The following DHCR24 variants were observed in gnomAD, a reference collection of about 807,000 sequenced individuals.
DHCR24 encodes the protein 24-dehydrocholesterol reductase.
In DHCR24, 28 loss-of-function variants were observed where a neutral mutation model predicts 61.2. The ratio of observed to expected loss-of-function variants is 0.46; its 90% CI spans 0.34 to 0.63. The LOEUF is 0.63. Ranked by LOEUF, DHCR24 falls within the 20% of genes least tolerant of loss-of-function variation. The probability of loss-of-function intolerance (pLI) is 0.01; values close to 1 mark genes in which losing one functional copy is unlikely to be tolerated. For missense variants in DHCR24, 538 were observed against 679.1 expected (o/e 0.79, Z 2.31); for synonymous variants, 261 against 275.9 (o/e 0.95, Z 0.54).
intron 1 of DHCR24, among the ~76,000 whole-genome samples, chr1:54,884,914 G>A (rs1647084550): frequency 6.6e-6 from 1 of 152,164 alleles, no homozygotes; most frequent in South Asian, 2.1e-4. Context: ...GAAAAGCAGG[G>A]CCAACAGATG....
chr1:54,852,067 T>C lies in DHCR24; in HGVS notation c.*166A>G, dbSNP rs1646878144. On this transcript the variant is annotated 3_prime_UTR_variant, in exon 9 of 9. Coordinates refer to ENST00000371269, the MANE Select transcript of DHCR24 (RefSeq NM_014762.4). ...AAATCCCACATTCTTTCCATTCCAC[T>C]GGGCTGCCCCCTGGAAGCCAGGAGG... The C allele has an allele frequency of 2.7e-6, 2 of 740,980 alleles. No homozygotes were observed. Among genetic ancestry groups the C allele is most frequent in the Non-Finnish European group, 4.4e-6 (2 of 455,870 alleles). The allele number at this position is 740,980 out of a possible 1,614,324, so 45.9% of individuals were successfully genotyped here. A position where few individuals can be genotyped will look rare whatever the true frequency, so the allele number is the denominator to read the frequency against.
chr1:54,855,283 A>C (rs998310310), intron 6 of DHCR24, among the ~76,000 whole-genome samples: 6 of 151,778 alleles, frequency 4.0e-5, no homozygotes, highest in Middle Eastern at 3.4e-3. Flanking sequence ...AGTCCCAGCT[A>C]CTCAGGAGGC....
chr1:54,887,103 G>C lies in DHCR24; in HGVS notation c.17C>G (p.Ser6Trp). The C allele has an allele frequency of 6.3e-7, 1 of 1,589,996 alleles. No homozygotes were observed. Among genetic ancestry groups the C allele is most frequent in the Non-Finnish European group, 8.6e-7 (1 of 1,168,880 alleles). The change falls in exon 1 of 9, where the codon TCG becomes TGG. Residue 6 changes from serine to tryptophan, a missense_variant. Transcript: ENST00000371269. MEPAV[S>W]LAVCALLFLL... ...GAAGAGCAGCGCGCACACGGCCAGC[G>C]ACACGGCGGGCTCCATGGTGCGGCG...
intron 2 of DHCR24, among the ~76,000 whole-genome samples, chr1:54,882,128 TAAAAG>T (rs377012630): frequency 0.037 from 1,061 of 29,044 alleles, 4 homozygotes; most frequent in Non-Finnish European, 0.046. Flanking sequence ...TTTAAAAGTT[TAAAAG>T]AAAAAAAAAA....
intron 6 of DHCR24, among the ~76,000 whole-genome samples, chr1:54,861,573 C>T (rs972025315): frequency 3.9e-5 from 6 of 152,150 alleles, no homozygotes; most frequent in Middle Eastern, 3.2e-3. Flanking sequence ...ATCCGGCCTC[C>T]CCTCCATAGC....
chr1:54,864,016 ATAATAATAC>A (rs1215408894), intron 6 of DHCR24, among the ~76,000 whole-genome samples: 4 of 152,228 alleles, frequency 2.6e-5, no homozygotes, highest in Admixed American at 6.5e-5. Flanking sequence ...AATGGCTATA[ATAATAATAC>A]TAATAATTTA....
At chr1:54,871,667 G>A in intron 4 of DHCR24, 54 bp from the exon 5 acceptor site, 1 of 1,612,806 alleles carries the variant, frequency 6.2e-7, no homozygotes, top group Non-Finnish European at 8.5e-7. Flanking sequence ...CCACATTGTG[G>A]CATGCAGTCA....
At chr1:54,874,465 A>C (rs1171191810) in intron 4 of DHCR24, among the ~76,000 whole-genome samples, 1 of 152,226 alleles carries the variant, frequency 6.6e-6, no homozygotes, top group Non-Finnish European at 1.5e-5. Context: ...CATGCTGTAT[A>C]GGTCTGTAGT....
intron 6 of DHCR24, among the ~76,000 whole-genome samples, chr1:54,857,492 G>T (rs747530041): frequency 5.9e-5 from 9 of 152,238 alleles, no homozygotes; most frequent in Non-Finnish European, 8.8e-5. Flanking sequence ...GCCCAGCTTG[G>T]CTCCTTTTCT....
chr1:54,876,411 T>G (rs1488785574), intron 2 of DHCR24, among the ~76,000 whole-genome samples: 1 of 152,146 alleles, frequency 6.6e-6, no homozygotes, highest in Non-Finnish European at 1.5e-5. Flanking sequence ...CCCAGCACTT[T>G]GGGAGGCCAA....
chr1:54,881,519 G>A (rs1647063914), intron 2 of DHCR24, among the ~76,000 whole-genome samples: 1 of 152,142 alleles, frequency 6.6e-6, no homozygotes, highest in East Asian at 1.9e-4. Context: ...AGAGAAAAAG[G>A]AACATTTATA....
At chr1:54,859,190 T>C (rs1178054918) in intron 6 of DHCR24, among the ~76,000 whole-genome samples, 1 of 152,132 alleles carries the variant, frequency 6.6e-6, no homozygotes, top group Non-Finnish European at 1.5e-5. Flanking sequence ...GGAACCCATG[T>C]GGCAAGGAGG....
At position 54,883,281 on chromosome 1, in the gene DHCR24, G is replaced by A. The variant is rs1647074021; in HGVS notation, c.387+337C>T. 6.6e-6 allele frequency among the ~76,000 whole-genome samples: 1 copy of A among 152,186 alleles called. No individual in the cohort carries two copies. Among genetic ancestry groups the A allele is most frequent in the South Asian group, 2.1e-4 (1 of 4,834 alleles). ...CCAGGAAGCTTGTAACAAGACCCATGTCTCTCAGTCACTTCTGTAGCCCAT... is the reference window on the plus strand; with the variant it reads ...CCAGGAAGCTTGTAACAAGACCCATATCTCTCAGTCACTTCTGTAGCCCAT... On this transcript the variant is annotated intron_variant, in intron 2 of 8. Transcript: ENST00000371269. This position sits in a 1 kb window ranked among gnomAD's most constrained non-coding sequence, Gnocchi z 4.3.
chr1:54,857,115 A>G (rs909469022), intron 6 of DHCR24, among the ~76,000 whole-genome samples: 11 of 152,254 alleles, frequency 7.2e-5, no homozygotes, highest in Admixed American at 2.0e-4. Context: ...AGAAAGTTCA[A>G]GTTTTAAACA....
At chr1:54,852,500 T>C (rs1646881646) in intron 8 of DHCR24, 114 bp from the exon 9 acceptor site, 1 of 1,196,654 alleles carries the variant, frequency 8.4e-7, no homozygotes, top group Non-Finnish European at 1.2e-6. Flanking sequence ...GGATTTCTCT[T>C]GTTTAACCCC....
In DHCR24 at chr1:54,853,398, A is replaced by T. The variant is rs201237159; in HGVS notation, c.1397+36T>A. 4.2e-5 allele frequency: 67 copies of T among 1,613,674 alleles called. No individual in the cohort carries two copies. In the Middle Eastern group the frequency reaches 6.6e-4, roughly 16 times the overall value. ...CCTGGAGCAGTACCCTGGGGCTGTC[A>T]GCTAGAGGCAACATACTATACTCTG... On this transcript the variant is annotated intron_variant, in intron 8 of 8. Transcript: ENST00000371269.
rs1175917961 is a variant in DHCR24 at position 54,883,506 on chromosome 1, T to A, written c.387+112A>T. The A allele has an allele frequency of 4.6e-6, 6 of 1,311,078 alleles. No homozygotes were observed. In the African/African-American group the frequency reaches 8.7e-5, roughly 19 times the overall value. The allele number at this position is 1,311,078 out of a possible 1,614,324, so 81.2% of individuals were successfully genotyped here. On this transcript the variant is annotated intron_variant, in intron 2 of 8. Transcript: ENST00000371269. The surrounding 1 kb of genome is among the most constrained non-coding windows in gnomAD (Gnocchi z 4.3). ...GGAGTATCTTCTATGACTGTGGGCA[T>A]TGGTCCTGTCCACTCTGCAATGCCC...
chr1:54,872,799 C>T (rs975402249), intron 4 of DHCR24, among the ~76,000 whole-genome samples: 6 of 152,172 alleles, frequency 3.9e-5, no homozygotes, highest in Admixed American at 2.0e-4. Flanking sequence ...GACAGGGCCC[C>T]GCAAGCGTTC....
chr1:54,852,073 G>T lies in DHCR24; in HGVS notation c.*160C>A. The stretch of plus-strand genomic sequence containing the variant: ...CACATTCTTTCCATTCCACTGGGCT[G>T]CCCCCTGGAAGCCAGGAGGAAGGTG... On this transcript the variant is annotated 3_prime_UTR_variant, in exon 9 of 9. Transcript: ENST00000371269. 1.3e-6 allele frequency: 1 copy of T among 782,332 alleles called. No individual in the cohort carries two copies. The highest frequency in any genetic ancestry group is 2.0e-6 in the Non-Finnish European group (1 of 488,148). The allele number at this position is 782,332 out of a possible 1,614,324, so 48.5% of individuals were successfully genotyped here.
Sources: allele counts gnomAD v4.1 joint callset (sites outside exome capture counted in the v4.1 genomes callset), GRCh38; gene constraint gnomAD v4.1.1; non-coding constraint Gnocchi (gnomAD v3.1); transcripts MANE v1.5; gene names NCBI Gene and HGNC (gene_info 2026-07-23, HGNC 2026-07-21).